C1QTNF12: variants seen among roughly 807,000 people sequenced by gnomAD.
The protein encoded by C1QTNF12 is C1q and TNF related 12, also known as adipolin.
C1QTNF12 carries 39 observed loss-of-function variants against 34.3 expected under a neutral mutation model. That is an observed-to-expected ratio of 1.14 (90% confidence interval 0.88 to 1.49). The LOEUF is 1.49. C1QTNF12 is among the 40% of genes most tolerant of loss of function. The pLI, the probability that C1QTNF12 is intolerant of heterozygous loss-of-function variation, is 0.00. For missense variants in C1QTNF12, 497 were observed against 424.7 expected (o/e 1.17, Z -1.50); for synonymous variants, 220 against 196.9 (o/e 1.12, Z -0.98).
chr1:1,247,240 GGC>G (rs1638917908), upstream of C1QTNF12, among the ~76,000 whole-genome samples: 1 of 152,152 alleles, frequency 6.6e-6, no homozygotes, highest in African/African-American at 2.4e-5. Flanking sequence ...GCCACCGGAG[GGC>G]AGCTACCAGC....
rs1362760254 is a variant in C1QTNF12, at chr1:1,246,440, G to A, written c.177+74C>T. 6.8e-6 allele frequency: 8 copies of A among 1,176,504 alleles called. No individual in the cohort carries two copies. Among genetic ancestry groups the A allele is most frequent in the Non-Finnish European group, 8.5e-6 (8 of 938,398 alleles). The allele number at this position is 1,176,504 out of a possible 1,614,324, so 72.9% of individuals were successfully genotyped here. A position where few individuals can be genotyped will look rare whatever the true frequency, so the allele number is the denominator to read the frequency against. The stretch of plus-strand genomic sequence containing the variant: ...GGCAGAGCCGGCAGGGACAGAGCCT[G>A]CTGGGGGAGGACGCCCCAGAGCCCC... On this transcript the variant is annotated intron_variant, in intron 1 of 7. Coordinates refer to ENST00000330388, the MANE Select transcript of C1QTNF12 (RefSeq NM_001014980.3). This position sits in a 1 kb window ranked among gnomAD's most constrained non-coding sequence, Gnocchi z 4.5.
At position 1,242,479 on chromosome 1, in the gene C1QTNF12, G is replaced by A. The variant is rs951089397; in HGVS notation, c.*69C>T. On this transcript the variant is annotated 3_prime_UTR_variant, in exon 8 of 8. Coordinates refer to ENST00000330388, the MANE Select transcript of C1QTNF12 (RefSeq NM_001014980.3). ...AGGGTGGAGGGCTCTTTATTGTGGT[G>A]ACCACGGGCATCAGTAGGAGGGTCC... 20 of 1,212,022 alleles carry A rather than the reference G, an allele frequency of 1.7e-5. No individual in the cohort carries two copies. The Admixed American group carries it at 2.1e-4, about 12-fold the overall frequency. The allele number at this position is 1,212,022 out of a possible 1,614,324, so 75.1% of individuals were successfully genotyped here.
At position 1,243,506 on chromosome 1, in the gene C1QTNF12, G is replaced by A. The variant is rs1291291593; in HGVS notation, c.578C>T (p.Ala193Val). The A allele has an allele frequency of 6.4e-7, 1 of 1,559,214 alleles. No individual in the cohort carries two copies. The highest frequency in any genetic ancestry group is 2.4e-5 in the East Asian group (1 of 41,456). ...CACGGGGGCCGTGAACCGACCCGAG[G>A]CCAGGCTCAGACCGGAGCCTCGCAG... is the stretch of plus-strand genomic sequence containing the variant. ...AFLRGSGLSL[A>V]SGRFTAPVSG... Residue 193 changes from alanine to valine, a missense_variant, in exon 5 of 8, where the codon GCC becomes GTC. Ala to Val is a moderately conservative substitution (Grantham distance 64, BLOSUM62 0). Coordinates refer to ENST00000330388, the MANE Select transcript of C1QTNF12 (RefSeq NM_001014980.3).
At position 1,244,210 on chromosome 1, in the gene C1QTNF12, C is replaced by T. The variant is rs1349956645; in HGVS notation, c.360G>A (p.Glu120=). The change falls in exon 3 of 8, where the codon GAG becomes GAA. Residue 120 remains glutamate (E), a synonymous_variant. Transcript: ENST00000330388. ...AEVTAETLLH[E]FQELLKEATE... ...GCTGACCTTTCAGCAGCTCCTGAAA[C>T]TCGTGAAGCAGAGTCTCCGCGGTCA... The T allele has an allele frequency of 3.8e-6, 6 of 1,593,050 alleles. No individual in the cohort carries two copies. The highest frequency in any genetic ancestry group is 1.1e-5 in the South Asian group (1 of 88,318).
chr1:1,246,863 C>T, upstream of C1QTNF12: 1 of 361,050 alleles, frequency 2.8e-6, no homozygotes, highest in African/African-American at 2.2e-5. This position sits in a 1 kb window ranked among gnomAD's most constrained non-coding sequence, Gnocchi z 4.5. Context: ...GCGCTCAGGT[C>T]CCCCCGGGGT....
At chr1:1,243,747 G>A (rs1265667466) in intron 4 of C1QTNF12, among the ~76,000 whole-genome samples, 195 bp from the exon 5 acceptor site, 3 of 152,116 alleles carry the variant, frequency 2.0e-5, no homozygotes, top group South Asian at 2.1e-4. Context: ...CCCGGCTACC[G>A]GGGACCCACG....
chr1:1,245,445 T>A (rs1175966556), intron 1 of C1QTNF12, among the ~76,000 whole-genome samples: 2 of 150,116 alleles, frequency 1.3e-5, no homozygotes, highest in Non-Finnish European at 1.5e-5. Flanking sequence ...CGCCCAACCC[T>A]GGAAGCCTGG....
At chr1:1,245,641 C>A (rs979020658) in intron 1 of C1QTNF12, among the ~76,000 whole-genome samples, 31 of 152,060 alleles carry the variant, frequency 2.0e-4, no homozygotes, top group Admixed American at 1.7e-3. Flanking sequence ...GCCAGCCTGG[C>A]CCTAGCGCCG....
intron 4 of C1QTNF12, 108 bp downstream of exon 4, chr1:1,243,846 A>AC: frequency 2.8e-5 from 15 of 534,246 alleles, no homozygotes; most frequent in Non-Finnish European, 4.5e-5. Flanking sequence ...CCCCGCCCCC[A>AC]GCCCCCAACC....
In C1QTNF12 at chr1:1,246,489, GC is replaced by G; in HGVS notation, c.177+24del. 1 of 1,230,642 alleles carries G rather than the reference GC, an allele frequency of 8.1e-7. No homozygotes were observed. Among genetic ancestry groups the G allele is most frequent in the Non-Finnish European group, 1.0e-6 (1 of 986,868 alleles). The allele number at this position is 1,230,642 out of a possible 1,614,324, so 76.2% of individuals were successfully genotyped here. On this transcript the variant is annotated intron_variant, in intron 1 of 7. Transcript: ENST00000330388. This position sits in a 1 kb window ranked among gnomAD's most constrained non-coding sequence, Gnocchi z 4.5. The stretch of plus-strand genomic sequence containing the variant: ...CCAGCTCCGAAGCTGCCCCGCGAGG[GC>G]CCACGTGCGTCCCGGCCGCGTACCT...
rs776247290 is a variant in C1QTNF12, at chr1:1,244,394, C to T, written c.281G>A (p.Arg94Lys). ...DGALRKRCGS[R>K]DKKPRDLFGP... Reference sequence around the variant, plus strand: ...GGCGGGGCTCACCGGCTTCTTGTCCCTGCTTCCGCACCGCTTCCTTAAGGC... The same window carrying T: ...GGCGGGGCTCACCGGCTTCTTGTCCTTGCTTCCGCACCGCTTCCTTAAGGC... Residue 94 changes from arginine to lysine, a missense_variant, in exon 2 of 8, where the codon AGG becomes AAG. By Grantham distance (26) the Arg-to-Lys change is conservative (BLOSUM62 2). Coordinates refer to ENST00000330388, the MANE Select transcript of C1QTNF12 (RefSeq NM_001014980.3). 1.9e-6 allele frequency: 3 copies of T among 1,611,460 alleles called. No individual in the cohort carries two copies. The South Asian group carries it at 3.3e-5, about 18-fold the overall frequency.
In C1QTNF12 at chr1:1,242,532, G is replaced by GC. The variant is rs775506330; in HGVS notation, c.*15dup. 3.9e-6 allele frequency: 6 copies of GC among 1,546,024 alleles called. No homozygotes were observed. In the African/African-American group the frequency reaches 8.2e-5, roughly 21 times the overall value. On this transcript the variant is annotated 3_prime_UTR_variant, in exon 8 of 8. Coordinates refer to ENST00000330388, the MANE Select transcript of C1QTNF12 (RefSeq NM_001014980.3). ...GGGATCCGGCGGCAGCTCCTCGCCA[G>GC]CCCCCCTGGGCGCCCTCACGTGCCC...
At chr1:1,246,867 C>G (rs541220058), upstream of C1QTNF12, 2 of 348,430 alleles carry the variant, frequency 5.7e-6, no homozygotes, top group Non-Finnish European at 9.6e-6. This position sits in a 1 kb window ranked among gnomAD's most constrained non-coding sequence, Gnocchi z 4.5. Context: ...TCAGGTCCCC[C>G]CGGGGTCCCG....
chr1:1,243,049 T>A lies in C1QTNF12; in HGVS notation c.731+13A>T. On this transcript the variant is annotated intron_variant, in intron 6 of 7. Coordinates refer to ENST00000330388, the MANE Select transcript of C1QTNF12 (RefSeq NM_001014980.3). ...GGGGGCTGCCGCCTGGAGCGGGGGC[T>A]GAGGTCACTCACGTGTGGCGCTGGC... 6.4e-7 allele frequency: 1 copy of A among 1,572,038 alleles called. No homozygotes were observed. The highest frequency in any genetic ancestry group is 8.6e-7 in the Non-Finnish European group (1 of 1,159,208).
chr1:1,243,639 G>T, intron 4 of C1QTNF12, 87 bp from the exon 5 acceptor site: 2 of 1,140,196 alleles, frequency 1.8e-6, no homozygotes, highest in Non-Finnish European at 2.5e-6. Context: ...GCAACCGACA[G>T]CCCCTCACTC....
chr1:1,243,028 GCTGCCGC>G (rs1557533192), intron 6 of C1QTNF12, 27 bp downstream of exon 6: 2 of 1,558,648 alleles, frequency 1.3e-6, no homozygotes, highest in Non-Finnish European at 1.7e-6. Flanking sequence ...TGGTCCGGGG[GCTGCCGC>G]CTGGAGCGGG....
rs921794235 is a variant in C1QTNF12 at position 1,246,630 on chromosome 1, C to T, written c.61G>A (p.Gly21Arg). The change falls in exon 1 of 8, where the codon GGG becomes AGG. Residue 21 changes from glycine (G) to arginine (R), a missense_variant. Transcript: ENST00000330388. This position sits in a 1 kb window ranked among gnomAD's most constrained non-coding sequence, Gnocchi z 4.5. The part of the protein sequence containing the change: ...VLLGPQLVLL[G>R]GVGARREAQR... Reference sequence around the variant, plus strand: ...GCCTCCCGCCGGGCCCCGACGCCCCCGAGGAGCACGAGCTGCGGCCCGAGG... The same window carrying T: ...GCCTCCCGCCGGGCCCCGACGCCCCTGAGGAGCACGAGCTGCGGCCCGAGG... 9.7e-6 allele frequency: 12 copies of T among 1,238,738 alleles called. No homozygotes were observed. Among genetic ancestry groups the T allele is most frequent in the East Asian group, 3.2e-5 (1 of 31,602 alleles). The allele number at this position is 1,238,738 out of a possible 1,614,324, so 76.7% of individuals were successfully genotyped here. A position where few individuals can be genotyped will look rare whatever the true frequency, so the allele number is the denominator to read the frequency against.
intron 6 of C1QTNF12, 57 bp downstream of exon 6, chr1:1,243,005 G>C (rs569856478): frequency 1.9e-6 from 3 of 1,554,490 alleles, no homozygotes; most frequent in Non-Finnish European, 2.6e-6. Context: ...TGGCCTGTGA[G>C]CCCCTCCAAG....
Sources: gnomAD v4.1 joint callset for allele counts (sites outside exome capture counted in the v4.1 genomes callset) on GRCh38, gnomAD v4.1.1 for gene constraint, Gnocchi (gnomAD v3.1) non-coding constraint, MANE v1.5 for transcripts, NCBI Gene and HGNC (gene_info 2026-07-23, HGNC 2026-07-21) for gene names.